The following SPAG16 variants were observed in gnomAD, a reference collection of about 807,000 sequenced individuals.
SPAG16 encodes the protein sperm-associated antigen 16 protein.
Under a neutral mutation model 80.4 loss-of-function variants are expected in SPAG16, and 86 were observed. The observed-to-expected ratio is 1.07, with a 90% CI of 0.90 to 1.28. SPAG16 has a LOEUF of 1.28. Among genes scored for constraint, SPAG16 ranks in the 50% most tolerant of loss-of-function variants. The probability of loss-of-function intolerance (pLI) is 0.00; values close to 1 mark genes in which losing one functional copy is unlikely to be tolerated. For synonymous variants in SPAG16, 294 were observed against 265.9 expected (o/e 1.11, Z -1.03); for missense variants, 870 against 765.3 (o/e 1.14, Z -1.61).
chr2:213,717,902 A>G (rs1426124143), intron 10 of SPAG16, among the ~76,000 whole-genome samples: 2 of 152,168 alleles, frequency 1.3e-5, no homozygotes, highest in Non-Finnish European at 2.9e-5. Flanking sequence ...ACCCTAGAAG[A>G]AAACCTAGGC....
chr2:214,180,804 G>A (rs1032257169), intron 15 of SPAG16, among the ~76,000 whole-genome samples: 44 of 151,664 alleles, frequency 2.9e-4, no homozygotes, highest in African/African-American at 9.6e-4. Flanking sequence ...GAATATTTTC[G>A]GAATAATTAA....
intron 12 of SPAG16, among the ~76,000 whole-genome samples, chr2:213,995,244 A>G (rs756814272): frequency 1.3e-5 from 2 of 152,198 alleles, no homozygotes; most frequent in Non-Finnish European, 2.9e-5. Context: ...AGTGAGTATC[A>G]TGGACTATCT....
At chr2:214,055,364 C>A (rs79731702) in intron 13 of SPAG16, among the ~76,000 whole-genome samples, 308 of 152,252 alleles carry the variant, frequency 2.0e-3, no homozygotes, top group Middle Eastern at 6.8e-3. Context: ...AAATGGACTA[C>A]TTTTCTTAAC....
chr2:214,280,147 C>T (rs960109678), intron 15 of SPAG16, among the ~76,000 whole-genome samples: 3 of 151,996 alleles, frequency 2.0e-5, no homozygotes, highest in Non-Finnish European at 4.4e-5. Flanking sequence ...GAGATGATGT[C>T]GGTAATGCAA....
chr2:213,308,401 G>C (rs2063040363), intron 3 of SPAG16, among the ~76,000 whole-genome samples: 1 of 151,998 alleles, frequency 6.6e-6, no homozygotes, highest in Admixed American at 6.6e-5. Flanking sequence ...CAAAATGCTT[G>C]GGACCATAGT....
chr2:213,520,026 T>TGCACAC (rs1220973757), intron 10 of SPAG16, among the ~76,000 whole-genome samples: 1 of 149,882 alleles, frequency 6.7e-6, no homozygotes, highest in Non-Finnish European at 1.5e-5. Context: ...TGCATGTGCG[T>TGCACAC]GCACACACAC....
At chr2:213,326,176 G>A (rs4673737) in intron 5 of SPAG16, among the ~76,000 whole-genome samples, 148,345 of 152,136 alleles carry the variant, frequency 0.98, 72,433 homozygotes, top group East Asian at 1. Context: ...ATGAAAAACT[G>A]CCATTTAAAA....
intron 5 of SPAG16, among the ~76,000 whole-genome samples, chr2:213,334,942 G>A (rs1013976312): frequency 1.1e-4 from 16 of 152,092 alleles, no homozygotes; most frequent in Non-Finnish European, 1.6e-4. Context: ...AAAAATAACC[G>A]AAAGTAAAAT....
Position 214,257,725 on chromosome 2 carries a change from C to T in SPAG16, c.1720+108459C>T, listed in dbSNP as rs188055738. 1.3e-3 allele frequency among the ~76,000 whole-genome samples: 194 copies of T among 152,128 alleles called. 2 individuals carry two copies. The highest frequency in any genetic ancestry group is 4.1e-3 in the African/African-American group (169 of 41,540). On this transcript the variant is annotated intron_variant, in intron 15 of 15. Transcript: ENST00000331683. ...GATGCATTGTTCTTTTTATATATTA[C>T]TGGATTAATTTAACAATAATATTTT...
intron 9 of SPAG16, among the ~76,000 whole-genome samples, chr2:213,474,942 T>A (rs1333252596): frequency 6.6e-6 from 1 of 152,190 alleles, no homozygotes; most frequent in Admixed American, 6.5e-5. Context: ...TCACTGAAGT[T>A]GACACTCAGT....
intron 10 of SPAG16, among the ~76,000 whole-genome samples, chr2:213,858,704 A>G (rs1280684275): frequency 6.6e-6 from 1 of 152,178 alleles, no homozygotes; most frequent in Non-Finnish European, 1.5e-5. Context: ...TGAATCCTAT[A>G]AAGTATTAGT....
chr2:213,625,912 A>G (rs915608137), intron 10 of SPAG16, among the ~76,000 whole-genome samples: 2 of 151,576 alleles, frequency 1.3e-5, no homozygotes, highest in Non-Finnish European at 2.9e-5. Context: ...CTGGTCTCAA[A>G]CTCCTGACCT....
At chr2:214,197,297 A>T (rs186715437) in intron 15 of SPAG16, among the ~76,000 whole-genome samples, 1 of 152,182 alleles carries the variant, frequency 6.6e-6, no homozygotes, top group African/African-American at 2.4e-5. Flanking sequence ...AATAAATAAG[A>T]AAAATGCTTA....
At chr2:214,382,459 C>T (rs1438058244) in intron 15 of SPAG16, among the ~76,000 whole-genome samples, 3 of 152,156 alleles carry the variant, frequency 2.0e-5, no homozygotes, top group East Asian at 1.9e-4. Flanking sequence ...GTAATAAGTA[C>T]GTTTATAACT....
chr2:213,687,603 G>A (rs2064746038), intron 10 of SPAG16, among the ~76,000 whole-genome samples: 1 of 151,936 alleles, frequency 6.6e-6, no homozygotes, highest in Non-Finnish European at 1.5e-5. Context: ...TTACTTCATT[G>A]TTTTCTACTA....
chr2:213,788,321 A>G (rs1239597100), intron 10 of SPAG16, among the ~76,000 whole-genome samples: 3 of 151,968 alleles, frequency 2.0e-5, no homozygotes, highest in Admixed American at 1.3e-4. Context: ...AATAAGCTAC[A>G]CAATCACATT....
chr2:213,404,329 A>C (rs992831633), intron 9 of SPAG16, among the ~76,000 whole-genome samples: 1 of 152,220 alleles, frequency 6.6e-6, no homozygotes, highest in Non-Finnish European at 1.5e-5. Flanking sequence ...TACAGTAACC[A>C]AAACAGCATG....
chr2:214,102,670 CAG>C (rs944326671), intron 13 of SPAG16, among the ~76,000 whole-genome samples: 1 of 152,022 alleles, frequency 6.6e-6, no homozygotes, highest in African/African-American at 2.4e-5. Flanking sequence ...TGGAAGAGAT[CAG>C]AGTTACCCTG....
At chr2:213,630,114 T>G (rs1176027501) in intron 10 of SPAG16, among the ~76,000 whole-genome samples, 1 of 152,216 alleles carries the variant, frequency 6.6e-6, no homozygotes, top group Non-Finnish European at 1.5e-5. Flanking sequence ...CTGGGCACAG[T>G]GGCTCACACC....
Sources: gnomAD v4.1 joint callset for allele counts (sites outside exome capture counted in the v4.1 genomes callset) on GRCh38, gnomAD v4.1.1 for gene constraint, MANE v1.5 for transcripts, NCBI Gene and HGNC (gene_info 2026-07-23, HGNC 2026-07-21) for gene names.